RPS6KA1: variants seen among roughly 807,000 people sequenced by gnomAD.
The protein encoded by RPS6KA1 is ribosomal protein S6 kinase A1.
In RPS6KA1, 48 loss-of-function variants were observed where a neutral mutation model predicts 91.3. The observed-to-expected ratio is 0.53, with a 90% confidence interval of 0.42 to 0.67. RPS6KA1 has a LOEUF of 0.67. Among genes scored for constraint, RPS6KA1 ranks in the 30% least tolerant of loss-of-function variants. RPS6KA1 has a pLI of 0.00. For synonymous variants in RPS6KA1, 359 were observed against 384.7 expected (o/e 0.93, Z 0.78); for missense variants, 719 against 960.5 (o/e 0.75, Z 3.32).
At chr1:26,534,621 A>G (rs1392446578) in intron 1 of RPS6KA1, among the ~76,000 whole-genome samples, 2 of 152,230 alleles carry the variant, frequency 1.3e-5, no homozygotes, top group African/African-American at 2.4e-5. Context: ...TTTGTAGGCC[A>G]GTTACATGTC....
At position 26,571,868 on chromosome 1, in the gene RPS6KA1, A is replaced by G. The variant is rs2124673205; in HGVS notation, c.1772A>G (p.Tyr591Cys). The change falls in exon 19 of 22, where the codon TAC becomes TGC. Residue 591 changes from tyrosine (Y) to cysteine (C), a missense_variant. This residue lies in a region of RPS6KA1 where 249 missense variants were observed against 323.1 expected (regional missense o/e 0.77). Coordinates refer to ENST00000374168, the MANE Select transcript of RPS6KA1 (RefSeq NM_002953.4). This position sits in a 1 kb window ranked among gnomAD's most constrained non-coding sequence, Gnocchi z 5.1. ...VAPEVLKRQG[Y>C]DEGCDIWSLG... is the part of the protein sequence containing the mutation. Reference sequence around the variant, plus strand: ...TGCCAGGTGCTGAAGCGCCAGGGCTACGATGAAGGCTGCGACATCTGGAGC... The same window carrying G: ...TGCCAGGTGCTGAAGCGCCAGGGCTGCGATGAAGGCTGCGACATCTGGAGC... The G allele has an allele frequency of 6.2e-7, 1 of 1,610,724 alleles. No individual in the cohort carries two copies. The highest frequency in any genetic ancestry group is 2.2e-5 in the East Asian group (1 of 44,876).
Position 26,574,250 on chromosome 1 carries a change from G to A in RPS6KA1, c.*49G>A. 4 of 1,610,856 alleles carry A rather than the reference G, an allele frequency of 2.5e-6. No individual in the cohort carries two copies. The highest frequency in any genetic ancestry group is 3.4e-6 in the Non-Finnish European group (4 of 1,177,406). ...GGGCGGTGCTAGCTTGACACAGTCA[G>A]CATGCTTCCCAGAGGGAGCAGGCCG... is the stretch of plus-strand genomic sequence containing the variant. On this transcript the variant is annotated 3_prime_UTR_variant, in exon 22 of 22. Coordinates refer to ENST00000374168, the MANE Select transcript of RPS6KA1 (RefSeq NM_002953.4). This position sits in a 1 kb window ranked among gnomAD's most constrained non-coding sequence, Gnocchi z 4.3.
Position 26,558,514 on chromosome 1 carries a change from C to T in RPS6KA1, c.1085-293C>T, listed in dbSNP as rs1203715433. ...GCAGAGATGGACCTGAAGGGGCTGA[C>T]GTAAGATGGGGAAGCTGGGGAGGAA... On this transcript the variant is annotated intron_variant, in intron 13 of 21. Coordinates refer to ENST00000374168, the MANE Select transcript of RPS6KA1 (RefSeq NM_002953.4). This position sits in a 1 kb window ranked among gnomAD's most constrained non-coding sequence, Gnocchi z 4.0. 3.3e-5 allele frequency among the ~76,000 whole-genome samples: 5 copies of T among 152,126 alleles called. No homozygotes were observed. The highest frequency in any genetic ancestry group is 6.6e-5 in the Admixed American group (1 of 15,266).
At chr1:26,545,819 C>T in intron 2 of RPS6KA1, 1 of 1,440,050 alleles carries the variant, frequency 6.9e-7, no homozygotes, top group Non-Finnish European at 9.1e-7. Context: ...TTACCCTGCA[C>T]ATCCGCCTTG....
rs1310254612 is a variant in RPS6KA1, at chr1:26,573,393, G to C, written c.2085+32G>C. Reference sequence around the variant, plus strand: ...CCACCCTTGGGCTGCTGGGCATCTGGGGGGTCAGCCCAAGGTGGCATGGTC... The same window carrying C: ...CCACCCTTGGGCTGCTGGGCATCTGCGGGGTCAGCCCAAGGTGGCATGGTC... On this transcript the variant is annotated intron_variant, in intron 21 of 21. Transcript: ENST00000374168. 4 of 1,613,518 alleles carry C rather than the reference G, an allele frequency of 2.5e-6. No homozygotes were observed. In the East Asian group the frequency reaches 6.7e-5, roughly 27 times the overall value.
At chr1:26,567,193 A>T (rs1365519391) in intron 17 of RPS6KA1, among the ~76,000 whole-genome samples, 1 of 151,184 alleles carries the variant, frequency 6.6e-6, no homozygotes, top group Non-Finnish European at 1.5e-5. Flanking sequence ...GGCTAATTTT[A>T]AAATTTTTTT....
Position 26,555,245 on chromosome 1 carries a change from A to T in RPS6KA1, c.827+24A>T. On this transcript the variant is annotated intron_variant, in intron 10 of 21. Transcript: ENST00000374168. This position sits in a 1 kb window ranked among gnomAD's most constrained non-coding sequence, Gnocchi z 4.3. ...AAGTAAGCCCCAGCCCTGCCCTGAT[A>T]ACAATGGACTCCTCCAAGCCCCAGC... 2 of 1,610,866 alleles carry T rather than the reference A, an allele frequency of 1.2e-6. No homozygotes were observed. The highest frequency in any genetic ancestry group is 1.7e-6 in the Non-Finnish European group (2 of 1,177,114).
chr1:26,561,193 C>G lies in RPS6KA1; in HGVS notation c.1431+59C>G. The G allele has an allele frequency of 6.9e-7, 1 of 1,455,698 alleles. No individual in the cohort carries two copies. Among genetic ancestry groups the G allele is most frequent in the South Asian group, 1.2e-5 (1 of 86,836 alleles). The allele number at this position is 1,455,698 out of a possible 1,614,324, so 90.2% of individuals were successfully genotyped here. A position where few individuals can be genotyped will look rare whatever the true frequency, so the allele number is the denominator to read the frequency against. Reference sequence around the variant, plus strand: ...CAGGAACTCAACTCTCAGGATTTGTCTCAGGATTGCCATTCCTTTGACTTC... The same window carrying G: ...CAGGAACTCAACTCTCAGGATTTGTGTCAGGATTGCCATTCCTTTGACTTC... On this transcript the variant is annotated intron_variant, in intron 16 of 21. Transcript: ENST00000374168. The surrounding 1 kb of genome is among the most constrained non-coding windows in gnomAD (Gnocchi z 5.7).
At chr1:26,566,944 C>T (rs2076207776) in intron 17 of RPS6KA1, among the ~76,000 whole-genome samples, 1 of 152,200 alleles carries the variant, frequency 6.6e-6, no homozygotes, top group African/African-American at 2.4e-5. Context: ...ATGCTGCTGC[C>T]ACTGCTGCTA....
rs573476257 is a variant in RPS6KA1 at position 26,547,806 on chromosome 1, G to C, written c.307+536G>C. On this transcript the variant is annotated intron_variant, in intron 4 of 21. Transcript: ENST00000374168. This position sits in a 1 kb window ranked among gnomAD's most constrained non-coding sequence, Gnocchi z 4.1. The stretch of plus-strand genomic sequence containing the variant: ...GATGGTTGGTAGTGGGCTTTGGGTT[G>C]GATACTGACCACTTGGCCTGGGAAC... 9.8e-5 allele frequency among the ~76,000 whole-genome samples: 15 copies of C among 152,314 alleles called. No individual in the cohort carries two copies. In the South Asian group the frequency reaches 3.1e-3, roughly 32 times the overall value.
At chr1:26,532,131 G>T (rs914073640) in intron 1 of RPS6KA1, among the ~76,000 whole-genome samples, 1 of 152,110 alleles carries the variant, frequency 6.6e-6, no homozygotes, top group East Asian at 1.9e-4. Flanking sequence ...TGGGCCGCTG[G>T]GAGGCAGGGC....
At chr1:26,549,032 G>C (rs960518765) in intron 4 of RPS6KA1, among the ~76,000 whole-genome samples, 1 of 150,944 alleles carries the variant, frequency 6.6e-6, no homozygotes, top group Non-Finnish European at 1.5e-5. Flanking sequence ...ACATGCAGGA[G>C]GAGTACATTG....
intron 17 of RPS6KA1, among the ~76,000 whole-genome samples, chr1:26,569,101 G>A (rs2076228265): frequency 6.6e-6 from 1 of 151,718 alleles, no homozygotes; most frequent in Admixed American, 6.6e-5. Flanking sequence ...TGAGATATGA[G>A]AATTGCTTGA....
intron 2 of RPS6KA1, chr1:26,545,942 C>A: frequency 6.3e-7 from 1 of 1,598,786 alleles, no homozygotes; most frequent in East Asian, 2.3e-5. Context: ...GGCTCTGGGC[C>A]CTGATCCCCT....
Position 26,561,555 on chromosome 1 carries a change from T to C in RPS6KA1, c.1482T>C (p.Gly494=). The change falls in exon 17 of 22, where the codon GGT becomes GGC. Residue 494 remains glycine, a synonymous_variant. Coordinates refer to ENST00000374168, the MANE Select transcript of RPS6KA1 (RefSeq NM_002953.4). The surrounding 1 kb of genome is among the most constrained non-coding windows in gnomAD (Gnocchi z 5.7). The part of the protein sequence containing the change: ...HVYLVTELMR[G]GELLDKILRQ... ...ACCTGGTGACAGAGCTGATGCGGGG[T>C]GGGGAGCTGCTGGACAAGATCCTGC... The C allele has an allele frequency of 6.2e-7, 1 of 1,613,714 alleles. No homozygotes were observed. The highest frequency in any genetic ancestry group is 8.5e-7 in the Non-Finnish European group (1 of 1,179,930).
intron 2 of RPS6KA1, chr1:26,543,025 C>G: frequency 1.1e-6 from 1 of 922,680 alleles, no homozygotes; most frequent in East Asian, 2.7e-5. Context: ...CCTGACCCAT[C>G]ATCTGCCCCT....
rs561716532 is a variant in RPS6KA1, at chr1:26,572,185, A to G, written c.1839A>G (p.Pro613=). The change falls in exon 20 of 22, where the codon CCA becomes CCG. Residue 613 remains proline, a synonymous_variant. Transcript: ENST00000374168. The part of the protein sequence containing the change: ...LLYTMLAGYT[P]FANGPSDTPE... ...GCGGGCTTTTCTGCAGATATACTCC[A>G]TTTGCCAACGGTCCCAGTGACACAC... 1.7e-4 allele frequency: 280 copies of G among 1,613,790 alleles called. 3 individuals carry two copies. In the South Asian group the frequency reaches 2.9e-3, roughly 17 times the overall value.
In RPS6KA1 at chr1:26,561,178, A is replaced by G. The variant is rs772746879; in HGVS notation, c.1431+44A>G. 7 of 1,520,382 alleles carry G rather than the reference A, an allele frequency of 4.6e-6. No homozygotes were observed. The highest frequency in any genetic ancestry group is 1.7e-5 in the Admixed American group (1 of 59,534). The allele number at this position is 1,520,382 out of a possible 1,614,324, so 94.2% of individuals were successfully genotyped here. On this transcript the variant is annotated intron_variant, in intron 16 of 21. Transcript: ENST00000374168. The surrounding 1 kb of genome is among the most constrained non-coding windows in gnomAD (Gnocchi z 5.7). ...GACTGGGGTGGGGACCAGGAACTCA[A>G]CTCTCAGGATTTGTCTCAGGATTGC...
rs1218214121 is a variant in RPS6KA1 at position 26,561,034 on chromosome 1, C to T, written c.1342-11C>T. On this transcript the variant is annotated splice_polypyrimidine_tract_variant and intron_variant, in intron 15 of 21. Coordinates refer to ENST00000374168, the MANE Select transcript of RPS6KA1 (RefSeq NM_002953.4). The surrounding 1 kb of genome is among the most constrained non-coding windows in gnomAD (Gnocchi z 5.7). ...CACCCTGACACTGCCACATGCACCCCCTTTCTTCAGGTCATTGATAAGAGC... is the reference window on the plus strand; with the variant it reads ...CACCCTGACACTGCCACATGCACCCTCTTTCTTCAGGTCATTGATAAGAGC... 1 of 1,612,858 alleles carries T rather than the reference C, an allele frequency of 6.2e-7. No homozygotes were observed. Among genetic ancestry groups the T allele is most frequent in the Non-Finnish European group, 8.5e-7 (1 of 1,179,454 alleles).
Sources: gnomAD v4.1 joint callset for allele counts (sites outside exome capture counted in the v4.1 genomes callset) on GRCh38, gnomAD v4.1.1 for gene constraint, gnomAD v4.1.1 regional missense constraint, Gnocchi (gnomAD v3.1) non-coding constraint, MANE v1.5 for transcripts, NCBI Gene and HGNC (gene_info 2026-07-23, HGNC 2026-07-21) for gene names.